The following PHF20 variants were observed in gnomAD, a reference collection of about 807,000 sequenced individuals.
The protein encoded by PHF20 is glioma-expressed antigen 2.
PHF20 carries 23 observed loss-of-function variants against 113.5 expected under a neutral mutation model. The observed-to-expected ratio is 0.20, with a 90% confidence interval of 0.15 to 0.29. The LOEUF is 0.29. Among genes scored for constraint, PHF20 ranks in the 10% least tolerant of loss-of-function variants. The pLI, the probability that PHF20 is intolerant of heterozygous loss-of-function variation, is 1.00. For synonymous variants in PHF20, 434 were observed against 457.3 expected, an observed-to-expected ratio of 0.95 and a Z score of 0.65; for missense variants, 943 against 1,219.6, an observed-to-expected ratio of 0.77 and a Z score of 3.38.
At chr20:35,825,775 T>G (rs2042249531) in intron 2 of PHF20, among the ~76,000 whole-genome samples, 1 of 152,200 alleles carries the variant, frequency 6.6e-6, no homozygotes, top group Non-Finnish European at 1.5e-5. Context: ...TGCCTCAGCC[T>G]CCTGTGTAGT....
Position 35,938,832 on chromosome 20 carries a change from G to C in PHF20, c.2436G>C (p.Leu812Phe), listed in dbSNP as rs1311619485. Reference sequence around the variant, plus strand: ...AGGAAGCTCCAAGCTATAGAACTTTGAACGGGGCAGTGGAGAAGCCCAGGC... The same window carrying C: ...AGGAAGCTCCAAGCTATAGAACTTTCAACGGGGCAGTGGAGAAGCCCAGGC... ...SKEEAPSYRT[L>F]NGAVEKPRPL... Residue 812 changes from leucine (L) to phenylalanine (F), a missense_variant, in exon 16 of 18, where the codon TTG becomes TTC. By Grantham distance (22) the Leu-to-Phe change is conservative. Transcript: ENST00000374012. The C allele has an allele frequency of 1.9e-6, 3 of 1,614,176 alleles. No homozygotes were observed. The highest frequency in any genetic ancestry group is 2.2e-5 in the South Asian group (2 of 91,086).
chr20:35,863,363 A>G lies in PHF20; in HGVS notation c.771A>G (p.Lys257=), dbSNP rs143366294. 1,279 of 1,608,288 alleles carry G rather than the reference A, an allele frequency of 8.0e-4. 1 individual carries two copies. Among genetic ancestry groups the G allele is most frequent in the Non-Finnish European group, 1.0e-3 (1,189 of 1,178,598 alleles). Residue 257 remains lysine (K), a synonymous_variant, in exon 6 of 18, where the codon AAA becomes AAG. Coordinates refer to ENST00000374012, the MANE Select transcript of PHF20 (RefSeq NM_016436.5). ...CACAAGAAAACTTGAGGGAACCCAA[A>G]AGAAAACGAGGCAGACCCCCTTCCA... ...KSPQENLREP[K]RKRGRPPSIA... is the part of the protein sequence containing the mutation.
chr20:35,808,037 G>T (rs1043370699), intron 2 of PHF20, among the ~76,000 whole-genome samples: 1 of 152,060 alleles, frequency 6.6e-6, no homozygotes, highest in African/African-American at 2.4e-5. Flanking sequence ...GATAGAGGAA[G>T]CAAAAGCGGC....
At chr20:35,941,598 A>C (rs2055980807) in intron 17 of PHF20, among the ~76,000 whole-genome samples, 1 of 152,214 alleles carries the variant, frequency 6.6e-6, no homozygotes, top group African/African-American at 2.4e-5. Context: ...AACATGATCA[A>C]GTTCAGTCTC....
At chr20:35,816,358 T>C (rs1338890971) in intron 2 of PHF20, among the ~76,000 whole-genome samples, 1 of 152,216 alleles carries the variant, frequency 6.6e-6, no homozygotes, top group African/African-American at 2.4e-5. Flanking sequence ...TTAACAAGTA[T>C]ACTGAGTGAA....
At chr20:35,822,753 G>A (rs563401553) in intron 2 of PHF20, among the ~76,000 whole-genome samples, 6 of 149,192 alleles carry the variant, frequency 4.0e-5, no homozygotes, top group Admixed American at 6.8e-5. Context: ...TGGGAGGATC[G>A]CATGAGCCCA....
intron 2 of PHF20, among the ~76,000 whole-genome samples, chr20:35,826,409 C>G (rs750356093): frequency 1.4e-4 from 21 of 152,118 alleles, no homozygotes; most frequent in Non-Finnish European, 3.1e-4. Context: ...ATTTAGCTGT[C>G]TGGGTACAGG....
intron 5 of PHF20, among the ~76,000 whole-genome samples, chr20:35,859,404 AT>A (rs1254223617): frequency 6.6e-6 from 1 of 152,146 alleles, no homozygotes; most frequent in African/African-American, 2.4e-5. Context: ...ATTATTACTA[AT>A]TTCAGCTGTT....
chr20:35,883,301 G>T (rs1042526967), intron 9 of PHF20, among the ~76,000 whole-genome samples: 1 of 152,308 alleles, frequency 6.6e-6, no homozygotes, highest in Admixed American at 6.5e-5. Context: ...CCTGCTGAAA[G>T]ATATTTAAGT....
chr20:35,844,363 A>G (rs569635997), intron 3 of PHF20, among the ~76,000 whole-genome samples: 1 of 150,728 alleles, frequency 6.6e-6, no homozygotes, highest in South Asian at 2.1e-4. Context: ...CGGCCTCTCA[A>G]AGTCCTGGCA....
intron 2 of PHF20, among the ~76,000 whole-genome samples, chr20:35,814,014 G>T (rs1271297804): frequency 2.0e-5 from 3 of 150,990 alleles, no homozygotes; most frequent in Non-Finnish European, 4.4e-5. Context: ...CACTGCTTGG[G>T]TGATAAGAAT....
At chr20:35,924,969 A>G (rs1482485085) in intron 13 of PHF20, among the ~76,000 whole-genome samples, 1 of 152,120 alleles carries the variant, frequency 6.6e-6, no homozygotes, top group East Asian at 1.9e-4. Flanking sequence ...TATAGTGAGA[A>G]CTATGGCTCC....
intron 17 of PHF20, among the ~76,000 whole-genome samples, chr20:35,946,802 C>T (rs1489497154): frequency 6.6e-6 from 1 of 151,924 alleles, no homozygotes; most frequent in African/African-American, 2.4e-5. Context: ...CTCCGCCTCC[C>T]GGGTTCAAGC....
At chr20:35,877,050 T>C (rs1321800333) in intron 9 of PHF20, among the ~76,000 whole-genome samples, 2 of 137,816 alleles carry the variant, frequency 1.5e-5, no homozygotes, top group African/African-American at 5.5e-5. Flanking sequence ...GAGCTTGCAG[T>C]GAGCCTAGAT....
intron 4 of PHF20, among the ~76,000 whole-genome samples, chr20:35,850,299 T>TTTTTTTTG (rs2146949678): frequency 1.0e-5 from 1 of 96,660 alleles, no homozygotes; most frequent in South Asian, 5.4e-4. Context: ...CCCCTCCGTT[T>TTTTTTTTG]TTTTTTTTTT....
At chr20:35,775,754 C>CAAA (rs11167276) in intron 1 of PHF20, among the ~76,000 whole-genome samples, 3,182 of 85,300 alleles carry the variant, frequency 0.037, 130 homozygotes, top group South Asian at 0.15. Context: ...ACTCTGTCTC[C>CAAA]AAAAAAAAAA....
In PHF20 at chr20:35,871,708, C is replaced by G. The variant is rs1018836988; in HGVS notation, c.1161C>G (p.Ser387=). Residue 387 remains serine (S), a synonymous_variant, in exon 9 of 18, where the codon TCC becomes TCG. Coordinates refer to ENST00000374012, the MANE Select transcript of PHF20 (RefSeq NM_016436.5). ...GQVSSALTCH[S]FGDGSGAAGL... The stretch of plus-strand genomic sequence containing the variant: ...TCTCATCTGCACTGACTTGCCACTC[C>G]TTTGGGGATGGATCCGGGGCTGCAG... 2 of 1,613,882 alleles carry G rather than the reference C, an allele frequency of 1.2e-6. No individual in the cohort carries two copies. Among genetic ancestry groups the G allele is most frequent in the Non-Finnish European group, 1.7e-6 (2 of 1,179,878 alleles).
At chr20:35,928,408 C>CAG (rs1225231053) in intron 14 of PHF20, among the ~76,000 whole-genome samples, 2 of 144,674 alleles carry the variant, frequency 1.4e-5, no homozygotes, top group African/African-American at 5.1e-5. Context: ...CAGTGCACTC[C>CAG]AGCCAGGGCA....
chr20:35,790,346 G>T (rs759420254), intron 1 of PHF20, among the ~76,000 whole-genome samples: 1 of 151,814 alleles, frequency 6.6e-6, no homozygotes, highest in Non-Finnish European at 1.5e-5. Flanking sequence ...GATTACAGGC[G>T]CATGCCACCA....
Sources: allele counts gnomAD v4.1 joint callset (sites outside exome capture counted in the v4.1 genomes callset), GRCh38; gene constraint gnomAD v4.1.1; transcripts MANE v1.5; gene names NCBI Gene and HGNC (gene_info 2026-07-23, HGNC 2026-07-21).